Variants in BTK observed in about 807,000 individuals in gnomAD.
BTK encodes Bruton tyrosine kinase.
BTK carries 5 observed loss-of-function variants against 57.4 expected under a neutral mutation model. That is an observed-to-expected ratio of 0.09 (90% CI 0.05 to 0.18). The LOEUF (loss-of-function observed/expected upper bound fraction) is 0.18, where lower values mean the gene tolerates loss of function less well. BTK is among the 10% of genes least tolerant of loss of function. BTK has a pLI of 1.00. For synonymous variants in BTK, 154 were observed against 174.3 expected, an observed-to-expected ratio of 0.88 and a Z score of 0.92; for missense variants, 194 against 501.2, an observed-to-expected ratio of 0.39 and a Z score of 5.85.
At chrX:101,354,157 T>G (rs1461370676) in intron 16 of BTK, 169 bp from the exon 17 acceptor site, 1 of 466,356 alleles carries the variant, frequency 2.1e-6, no homozygotes, top group East Asian at 3.5e-5. Flanking sequence ...TTTCCTGTTT[T>G]TGTATCTGAT....
intron 7 of BTK, among the ~76,000 whole-genome samples, chrX:101,361,814 G>T (rs1926681720): frequency 8.9e-6 from 1 of 112,068 alleles, no homozygotes; most frequent in Non-Finnish European, 1.9e-5. Flanking sequence ...AGAATCACTT[G>T]AATCTGGGAG....
intron 5 of BTK, among the ~76,000 whole-genome samples, chrX:101,364,974 T>A (rs933832204): frequency 4.5e-5 from 5 of 111,230 alleles, no homozygotes; most frequent in Non-Finnish European, 9.4e-5. Context: ...ACTTCTGACC[T>A]CGTGATTCAC....
At chrX:101,352,942 T>G (rs1603001271) in intron 18 of BTK, 7 of 336,930 alleles carry the variant, frequency 2.1e-5, no homozygotes, top group East Asian at 1.7e-4. Context: ...GGTGCACGCC[T>G]ATAATCCCAG....
intron 16 of BTK, chrX:101,354,252 A>G (rs1467931495): frequency 1.5e-5 from 6 of 412,699 alleles, no homozygotes; most frequent in Non-Finnish European, 2.5e-5. Context: ...TTCTCTATCC[A>G]CCTTTCCTTT....
At chrX:101,375,033 T>A (rs1377355956) in intron 2 of BTK, 111 bp downstream of exon 2, 2 of 913,234 alleles carry the variant, frequency 2.2e-6, no homozygotes, top group East Asian at 6.2e-5. Context: ...AGAACTTAGG[T>A]CCATTCTACT....
chrX:101,387,087 A>G (rs1927632286), upstream of BTK, among the ~76,000 whole-genome samples: 1 of 111,974 alleles, frequency 8.9e-6, no homozygotes, highest in South Asian at 3.7e-4. Flanking sequence ...CCTTGCCCCA[A>G]GGCACTGTAT....
At chrX:101,362,738 C>G in intron 5 of BTK, 49 bp from the exon 6 acceptor site, 1 of 1,208,450 alleles carries the variant, frequency 8.3e-7, no homozygotes, top group Non-Finnish European at 1.1e-6. Flanking sequence ...GAGGAGAAGC[C>G]ACCATTTGCA....
intron 5 of BTK, among the ~76,000 whole-genome samples, chrX:101,364,523 T>C (rs782617055): frequency 9.1e-6 from 1 of 110,003 alleles, no homozygotes; most frequent in South Asian, 3.8e-4. Flanking sequence ...AAGCTGCTAG[T>C]AGCTGGTGCA....
Position 101,356,260 on chromosome X carries a change from G to A in BTK, c.1358C>T (p.Ser453Phe), listed in dbSNP as rs782457670. The change falls in exon 15 of 19, where the codon TCC (serine) becomes TTC (phenylalanine). Residue 453 changes from serine (S) to phenylalanine (F), a missense_variant. By Grantham distance (155) the Ser-to-Phe change is radical. Around this residue, in one of 3 missense-constraint regions of BTK, gnomAD observed 79 missense variants for 217.7 expected, o/e 0.36. Coordinates refer to ENST00000308731, the MANE Select transcript of BTK (RefSeq NM_000061.3). Reference sequence around the variant, plus strand: ...ATACAACTGCACCAGCTTCTCATGGGAAAGATTCCTACAGGAAAGGCAAGG... The same window carrying A: ...ATACAACTGCACCAGCTTCTCATGGAAAAGATTCCTACAGGAAAGGCAAGG... Reference protein sequence around the residue: ...IEEAKVMMNLSHEKLVQLYGV... With the variant: ...IEEAKVMMNLFHEKLVQLYGV... 8 of 1,208,410 alleles carry A rather than the reference G, an allele frequency of 6.6e-6. 1 individual carries two copies. Among genetic ancestry groups the A allele is most frequent in the Admixed American group, 4.4e-5 (2 of 45,657 alleles).
At chrX:101,388,992 T>C (rs1278660084), upstream of BTK, among the ~76,000 whole-genome samples, 3 of 111,580 alleles carry the variant, frequency 2.7e-5, no homozygotes, top group Non-Finnish European at 5.6e-5. Context: ...CACCTCGGTG[T>C]CAGCATTGGT....
At chrX:101,380,281 T>C (rs1408106730) in intron 1 of BTK, among the ~76,000 whole-genome samples, 1 of 110,925 alleles carries the variant, frequency 9.0e-6, no homozygotes, top group Admixed American at 9.7e-5. Context: ...TAATTTTTAA[T>C]TTTTTTGTAG....
At chrX:101,385,919 T>C (rs1927596619) in intron 1 of BTK, 143 bp downstream of exon 1, 1 of 111,316 alleles carries the variant, frequency 9.0e-6, no homozygotes, top group Non-Finnish European at 1.9e-5. Flanking sequence ...GCCAGGGCCT[T>C]GTGCTGATGA....
rs1320514510 is a variant in BTK at position 101,375,269 on chromosome X, G to T, written c.16C>A (p.Leu6Met). Reference protein sequence around the residue: MAAVILESIFLKRSQQ... With the variant: MAAVIMESIFLKRSQQ... ...GATCGCTTCAGAAAGATGCTCTCCA[G>T]AATCACTGCGGCCATAGCTTCTTCT... Residue 6 changes from leucine to methionine, a missense_variant, in exon 2 of 19, where the codon CTG (leucine) becomes ATG (methionine). Physicochemically the swap from Leu to Met is conservative, Grantham distance 15. Coordinates refer to ENST00000308731, the MANE Select transcript of BTK (RefSeq NM_000061.3). The T allele has an allele frequency of 8.3e-7, 1 of 1,210,075 alleles. No homozygotes were observed. Among genetic ancestry groups the T allele is most frequent in the Non-Finnish European group, 1.1e-6 (1 of 895,311 alleles).
At chrX:101,372,388 T>G (rs1927062145) in intron 3 of BTK, among the ~76,000 whole-genome samples, 1 of 111,141 alleles carries the variant, frequency 9.0e-6, no homozygotes, top group Non-Finnish European at 1.9e-5. Context: ...AAATAAAATA[T>G]AAATGAGCAG....
At chrX:101,360,287 C>T (rs1296040420) in intron 8 of BTK, 137 bp from the exon 9 acceptor site, 3 of 551,581 alleles carry the variant, frequency 5.4e-6, no homozygotes, top group Non-Finnish European at 9.5e-6. Context: ...CAAAGACAAT[C>T]ATGTCTCTGA....
chrX:101,358,736 G>T (rs1926565882), intron 10 of BTK, 40 bp from the exon 11 acceptor site: 36 of 1,093,158 alleles, frequency 3.3e-5, no homozygotes, highest in Non-Finnish European at 4.6e-5. Context: ...GGAGGAAGTG[G>T]TGCTCACACC....
intron 5 of BTK, among the ~76,000 whole-genome samples, chrX:101,367,246 GAAAAAAAA>G (rs10632421): frequency 1.1e-5 from 1 of 91,023 alleles, no homozygotes; most frequent in Non-Finnish European, 2.2e-5. Context: ...TCCATATCAA[GAAAAAAAA>G]AAAAGAAAAA....
rs781819210 is a variant in BTK at position 101,359,356 on chromosome X, G to T, written c.840-9C>A. The T allele has an allele frequency of 8.3e-7, 1 of 1,210,723 alleles. No individual in the cohort carries two copies. Among genetic ancestry groups the T allele is most frequent in the South Asian group, 1.8e-5 (1 of 56,958 alleles). The stretch of plus-strand genomic sequence containing the variant: ...TGTGTTTGGAATACCACCTGTGAAG[G>T]GAGAGTGCTGCTTGAGTGGCTCCTG... On this transcript the variant is annotated splice_polypyrimidine_tract_variant and intron_variant, in intron 9 of 18. Coordinates refer to ENST00000308731, the MANE Select transcript of BTK (RefSeq NM_000061.3).
intron 1 of BTK, among the ~76,000 whole-genome samples, chrX:101,381,178 T>C (rs1382579324): frequency 3.6e-5 from 4 of 110,867 alleles, no homozygotes; most frequent in African/African-American, 1.3e-4. Flanking sequence ...ATATGATGAA[T>C]ACATTCCAAT....
Sources: allele counts gnomAD v4.1 joint callset (sites outside exome capture counted in the v4.1 genomes callset), GRCh38; gene constraint gnomAD v4.1.1; regional missense constraint gnomAD v4.1.1; transcripts MANE v1.5; gene names NCBI Gene and HGNC (gene_info 2026-07-23, HGNC 2026-07-21).